Variants in SAMD12 observed in about 807,000 individuals in gnomAD.
The protein encoded by SAMD12 is sterile alpha motif domain containing 12.
In SAMD12, 9 loss-of-function variants were observed where a neutral mutation model predicts 15.0. The ratio of observed to expected loss-of-function variants is 0.60; its 90% CI spans 0.36 to 1.05. SAMD12 has a LOEUF of 1.05. SAMD12 is among the 50% of genes least tolerant of loss of function. The pLI is 0.01. For missense variants in SAMD12, 230 were observed against 234.2 expected, an observed-to-expected ratio of 0.98 and a Z score of 0.12; for synonymous variants, 86 against 90.1, an observed-to-expected ratio of 0.96 and a Z score of 0.25.
intron 4 of SAMD12, among the ~76,000 whole-genome samples, chr8:118,363,953 T>C (rs1818631341): frequency 6.6e-6 from 1 of 152,210 alleles, no homozygotes; most frequent in Non-Finnish European, 1.5e-5. Flanking sequence ...AGACTTCCAC[T>C]GGTGATAAAG....
intron 3 of SAMD12, among the ~76,000 whole-genome samples, chr8:118,398,765 T>TAC (rs1406788801): frequency 5.9e-5 from 9 of 152,346 alleles, no homozygotes; most frequent in Middle Eastern, 3.4e-3. Context: ...TCATGTTCAT[T>TAC]ACCTTGATTG....
the SAMD12 span, among the ~76,000 whole-genome samples, chr8:118,133,024 A>ATATCTATC: frequency 9.9e-6 from 1 of 100,760 alleles, no homozygotes; most frequent in African/African-American, 3.7e-5. Flanking sequence ...ATATATATAT[A>ATATCTATC]TATCTTATTA....
At chr8:118,295,592 C>A (rs973316843) in intron 4 of SAMD12, 1 of 151,676 alleles carries the variant, frequency 6.6e-6, no homozygotes, top group African/African-American at 2.4e-5. Flanking sequence ...TAAGTTATAT[C>A]CTAGCACACA....
chr8:118,565,816 T>C (rs1442819604), intron 2 of SAMD12, among the ~76,000 whole-genome samples: 24 of 152,220 alleles, frequency 1.6e-4, no homozygotes, highest in Admixed American at 1.6e-3. Context: ...ACCAGAAACT[T>C]CTGAGTGATC....
At chr8:118,145,969 T>TTGA in the SAMD12 span, among the ~76,000 whole-genome samples, 158 of 152,316 alleles carry the variant, frequency 1.0e-3, 2 homozygotes, top group African/African-American at 3.5e-3. Flanking sequence ...AGCCAGTTCT[T>TTGA]TCTTGAAGGG....
chr8:118,576,559 C>T (rs980172873), intron 2 of SAMD12, among the ~76,000 whole-genome samples: 9 of 152,174 alleles, frequency 5.9e-5, no homozygotes, highest in African/African-American at 1.9e-4. Flanking sequence ...ATCCATACTT[C>T]GCAGCATAGG....
intron 3 of SAMD12, among the ~76,000 whole-genome samples, chr8:118,430,635 C>T (rs1390954077): frequency 1.3e-5 from 2 of 152,194 alleles, no homozygotes; most frequent in African/African-American, 4.8e-5. Flanking sequence ...GCTGGGATTA[C>T]AGGCATGAGC....
rs200509368 is a variant in SAMD12 at position 118,447,301 on chromosome 8, C to CT, written c.193-7341dup. On this transcript the variant is annotated intron_variant, in intron 2 of 3. Coordinates refer to ENST00000314727, the MANE Select transcript of SAMD12 (RefSeq NM_207506.3). ...TTCCTTCCTTCCCCTCAGTTGAAATCTTTTTTTTTTTTCTTTTTTGAGACT... is the reference window on the plus strand; with the variant it reads ...TTCCTTCCTTCCCCTCAGTTGAAATCTTTTTTTTTTTTTCTTTTTTGAGACT... 4.0e-3 allele frequency among the ~76,000 whole-genome samples: 581 copies of CT among 146,168 alleles called. 2 individuals carry two copies. Among genetic ancestry groups the CT allele is most frequent in the Middle Eastern group, 6.9e-3 (2 of 288 alleles).
At chr8:118,534,063 T>C (rs1825765311) in intron 2 of SAMD12, among the ~76,000 whole-genome samples, 1 of 152,228 alleles carries the variant, frequency 6.6e-6, no homozygotes, top group Non-Finnish European at 1.5e-5. Flanking sequence ...TTTGGCATGT[T>C]TTTGCAGTGG....
chr8:118,303,165 A>T (rs964859414), intron 4 of SAMD12, among the ~76,000 whole-genome samples: 6 of 152,242 alleles, frequency 3.9e-5, no homozygotes, highest in Non-Finnish European at 8.8e-5. Flanking sequence ...CAAGAGAAGG[A>T]TATGTGTGCA....
intron 4 of SAMD12, among the ~76,000 whole-genome samples, chr8:118,280,715 A>G (rs906540188): frequency 6.6e-6 from 1 of 152,200 alleles, no homozygotes; most frequent in African/African-American, 2.4e-5. Flanking sequence ...TCCAGGGAAC[A>G]CACATAGATG....
chr8:118,565,177 C>T (rs1275300914), intron 2 of SAMD12, among the ~76,000 whole-genome samples: 1 of 152,208 alleles, frequency 6.6e-6, no homozygotes, highest in African/African-American at 2.4e-5. Context: ...GCCAAGACCA[C>T]ACCAGCTCAT....
At chr8:118,250,893 C>T (rs1296858675) in intron 4 of SAMD12, among the ~76,000 whole-genome samples, 2 of 152,014 alleles carry the variant, frequency 1.3e-5, no homozygotes, top group Non-Finnish European at 2.9e-5. Flanking sequence ...CCTAGGGAGT[C>T]AAAGAGAGTC....
At chr8:118,193,653 T>G (rs375741361) in exon 5 of SAMD12, 22 of 152,168 alleles carry the variant, frequency 1.4e-4, no homozygotes, top group African/African-American at 5.3e-4. Flanking sequence ...AAGATCAAGC[T>G]TAAGAAGAAA....
intron 4 of SAMD12, among the ~76,000 whole-genome samples, chr8:118,312,784 C>G (rs1247122707): frequency 6.6e-6 from 1 of 151,978 alleles, no homozygotes; most frequent in African/African-American, 2.4e-5. Flanking sequence ...ATAGTGAGTC[C>G]AAGTAAGAAT....
chr8:118,176,588 T>C, the SAMD12 span, among the ~76,000 whole-genome samples: 22 of 152,296 alleles, frequency 1.4e-4, no homozygotes, highest in African/African-American at 5.1e-4. Flanking sequence ...CTGTATGTTC[T>C]CACTTATAAG....
downstream of SAMD12, among the ~76,000 whole-genome samples, chr8:118,377,643 G>A (rs994473981): frequency 2.0e-5 from 3 of 152,082 alleles, no homozygotes; most frequent in African/African-American, 4.8e-5. Context: ...ATAGACCTGA[G>A]TACTATCTTA....
At chr8:118,527,889 A>G (rs1360859186) in intron 2 of SAMD12, among the ~76,000 whole-genome samples, 2 of 152,214 alleles carry the variant, frequency 1.3e-5, no homozygotes, top group African/African-American at 4.8e-5. Flanking sequence ...AATTTTCCTG[A>G]CACTGACTGG....
intron 2 of SAMD12, among the ~76,000 whole-genome samples, chr8:118,550,910 C>T (rs1301704269): frequency 6.7e-6 from 1 of 149,866 alleles, no homozygotes; most frequent in Non-Finnish European, 1.5e-5. Flanking sequence ...TTTAAACCAA[C>T]AAAGATCAAA....
Sources: allele counts gnomAD v4.1 joint callset (sites outside exome capture counted in the v4.1 genomes callset), GRCh38; gene constraint gnomAD v4.1.1; transcripts MANE v1.5; gene names NCBI Gene and HGNC (gene_info 2026-07-23, HGNC 2026-07-21).